Variants in BLMH observed in about 807,000 individuals in gnomAD.
BLMH encodes the protein BLM hydrolase.
BLMH carries 32 observed loss-of-function variants against 61.6 expected under a neutral mutation model. The ratio of observed to expected loss-of-function variants is 0.52; its 90% CI spans 0.39 to 0.70. BLMH has a LOEUF of 0.70. Among genes scored for constraint, BLMH ranks in the 30% least tolerant of loss-of-function variants. BLMH has a pLI of 0.00. For missense variants in BLMH, 460 were observed against 555.5 expected (o/e 0.83, Z 1.73); for synonymous variants, 183 against 193.8 (o/e 0.94, Z 0.46).
intron 6 of BLMH, among the ~76,000 whole-genome samples, chr17:30,274,494 A>G (rs1016096283): frequency 6.6e-6 from 1 of 152,202 alleles, no homozygotes; most frequent in African/African-American, 2.4e-5. Flanking sequence ...GAATCTGTCT[A>G]CCATTGATAC....
At position 30,272,858 on chromosome 17, in the gene BLMH, G is replaced by A; in HGVS notation, c.843C>T (p.Asn281=). ...VNDPRPQHKY[N]KLYTVEYLSN... ...TTAAGTATTCCACTGTGTAAAGTTTGTTGTACTTGTGCTGGGGCCTAGGGT... is the reference window on the plus strand; with the variant it reads ...TTAAGTATTCCACTGTGTAAAGTTTATTGTACTTGTGCTGGGGCCTAGGGT... Residue 281 remains asparagine, a synonymous_variant, in exon 8 of 12, where the codon AAC becomes AAT. Transcript: ENST00000261714. 1 of 1,614,072 alleles carries A rather than the reference G, an allele frequency of 6.2e-7. No individual in the cohort carries two copies. Among genetic ancestry groups the A allele is most frequent in the Non-Finnish European group, 8.5e-7 (1 of 1,180,022 alleles).
chr17:30,283,484 G>A (rs1362599426), intron 6 of BLMH, among the ~76,000 whole-genome samples: 1 of 145,120 alleles, frequency 6.9e-6, no homozygotes, highest in Non-Finnish European at 1.5e-5. Flanking sequence ...TTCCACAACT[G>A]TTTGCAGAAC....
intron 11 of BLMH, among the ~76,000 whole-genome samples, chr17:30,262,143 T>C (rs1420148081): frequency 6.6e-6 from 1 of 152,190 alleles, no homozygotes; most frequent in Non-Finnish European, 1.5e-5. Context: ...TTAGAAAATA[T>C]CCTCCATATC....
At chr17:30,268,845 T>C (rs1908184446) in intron 10 of BLMH, among the ~76,000 whole-genome samples, 1 of 144,294 alleles carries the variant, frequency 6.9e-6, no homozygotes, top group Admixed American at 7.2e-5. Context: ...AAGACCAGCC[T>C]GGCCAACATG....
chr17:30,277,805 C>T (rs1295737243), intron 6 of BLMH, among the ~76,000 whole-genome samples: 1 of 152,198 alleles, frequency 6.6e-6, no homozygotes, highest in Non-Finnish European at 1.5e-5. Flanking sequence ...ATATGCATTT[C>T]TGCTATCTAA....
chr17:30,276,532 G>A (rs935073081), intron 6 of BLMH, among the ~76,000 whole-genome samples: 2 of 152,152 alleles, frequency 1.3e-5, no homozygotes, highest in Non-Finnish European at 2.9e-5. Context: ...TAGCAGTGCT[G>A]GCGACATGAC....
At chr17:30,290,404 C>G (rs1908853572) in intron 2 of BLMH, among the ~76,000 whole-genome samples, 1 of 152,198 alleles carries the variant, frequency 6.6e-6, no homozygotes, top group African/African-American at 2.4e-5. Context: ...GAGCCCACAC[C>G]ACTCCAAGCA....
chr17:30,284,864 T>C (rs1034649647), intron 6 of BLMH, among the ~76,000 whole-genome samples: 19 of 152,264 alleles, frequency 1.2e-4, no homozygotes, highest in African/African-American at 4.1e-4. Flanking sequence ...TTTATGGCAC[T>C]GTTCATACAA....
intron 11 of BLMH, among the ~76,000 whole-genome samples, chr17:30,266,647 C>A (rs1309563116): frequency 6.6e-6 from 1 of 152,136 alleles, no homozygotes; most frequent in Non-Finnish European, 1.5e-5. Context: ...GGAGGGTCAA[C>A]ACAGTTTGCA....
At chr17:30,274,419 C>G (rs769495625) in intron 6 of BLMH, among the ~76,000 whole-genome samples, 1 of 152,088 alleles carries the variant, frequency 6.6e-6, no homozygotes, top group African/African-American at 2.4e-5. Context: ...GTGAACAATG[C>G]GATTCTGAAA....
intron 11 of BLMH, among the ~76,000 whole-genome samples, chr17:30,257,283 T>C (rs1907842417): frequency 6.6e-6 from 1 of 152,158 alleles, no homozygotes. Context: ...TAAACTGTGG[T>C]AGATCCAGAC....
intron 6 of BLMH, among the ~76,000 whole-genome samples, chr17:30,277,350 G>A (rs1427271772): frequency 1.3e-5 from 2 of 152,198 alleles, no homozygotes; most frequent in Admixed American, 1.3e-4. Flanking sequence ...CAGTGCCAAG[G>A]CTACAAATGA....
At chr17:30,256,169 A>T (rs956763144) in intron 11 of BLMH, among the ~76,000 whole-genome samples, 2 of 152,158 alleles carry the variant, frequency 1.3e-5, no homozygotes, top group African/African-American at 4.8e-5. Flanking sequence ...TTACAGGGGT[A>T]AGCCACTACA....
chr17:30,266,064 T>C (rs1486324933), intron 11 of BLMH, among the ~76,000 whole-genome samples: 1 of 152,208 alleles, frequency 6.6e-6, no homozygotes, highest in Non-Finnish European at 1.5e-5. Flanking sequence ...TCCCTAGGTT[T>C]TGATTTGCCA....
At chr17:30,289,692 C>T (rs546855424) in intron 2 of BLMH, among the ~76,000 whole-genome samples, 1 of 152,202 alleles carries the variant, frequency 6.6e-6, no homozygotes, top group Non-Finnish European at 1.5e-5. Context: ...AACACAAAAA[C>T]ACTCTTTACG....
chr17:30,273,637 A>C (rs990097587), intron 7 of BLMH: 1 of 207,034 alleles, frequency 4.8e-6, no homozygotes, highest in Non-Finnish European at 9.5e-6. Flanking sequence ...GAAGACCTAA[A>C]GGGAACAGGA....
chr17:30,291,607 G>A, intron 1 of BLMH, 99 bp from the exon 2 acceptor site: 1 of 1,487,666 alleles, frequency 6.7e-7, no homozygotes, highest in Non-Finnish European at 9.1e-7. Flanking sequence ...CGCATCCTGG[G>A]GTGCCCGCTG....
intron 6 of BLMH, among the ~76,000 whole-genome samples, chr17:30,284,096 G>A (rs930905390): frequency 6.6e-6 from 1 of 152,160 alleles, no homozygotes; most frequent in Non-Finnish European, 1.5e-5. Context: ...ACCCATGTAT[G>A]TCTGACTCCA....
chr17:30,288,616 G>A (rs1908797418), intron 3 of BLMH, among the ~76,000 whole-genome samples: 1 of 152,048 alleles, frequency 6.6e-6, no homozygotes, highest in South Asian at 2.1e-4. Flanking sequence ...CAAAGTGCTG[G>A]GATTACAGGC....
Sources: allele counts gnomAD v4.1 joint callset (sites outside exome capture counted in the v4.1 genomes callset), GRCh38; gene constraint gnomAD v4.1.1; transcripts MANE v1.5; gene names NCBI Gene and HGNC (gene_info 2026-07-23, HGNC 2026-07-21).